Variants in NCAM2 observed in about 807,000 individuals in gnomAD.
NCAM2 encodes the protein neural cell adhesion molecule 2, also known as N-CAM-2.
Under a neutral mutation model 98.1 loss-of-function variants are expected in NCAM2, and 30 were observed. The ratio of observed to expected loss-of-function variants is 0.31; its 90% CI spans 0.23 to 0.41. NCAM2 has a LOEUF of 0.41. NCAM2 is among the 10% of genes least tolerant of loss of function. The pLI is 1.00. For missense variants in NCAM2, 867 were observed against 1,005.8 expected (o/e 0.86, Z 1.87); for synonymous variants, 368 against 342.4 (o/e 1.07, Z -0.83).
chr21:21,239,977 CTCTT>C (rs1231914818), intron 1 of NCAM2, among the ~76,000 whole-genome samples: 2 of 152,090 alleles, frequency 1.3e-5, no homozygotes, highest in Non-Finnish European at 2.9e-5. Flanking sequence ...CTCTCCCCCT[CTCTT>C]TGTCTCCCTT....
intron 2 of NCAM2, among the ~76,000 whole-genome samples, chr21:21,281,412 T>C (rs2072925302): frequency 1.3e-5 from 2 of 152,144 alleles, no homozygotes; most frequent in Non-Finnish European, 2.9e-5. Context: ...CTAATATTCA[T>C]TGAAGAAATA....
intron 5 of NCAM2, among the ~76,000 whole-genome samples, chr21:21,317,550 A>ATT (rs149829915): frequency 6.6e-6 from 1 of 151,682 alleles, no homozygotes; most frequent in Non-Finnish European, 1.5e-5. Flanking sequence ...TTAATTAATT[A>ATT]TTTTTTTTGA....
intron 5 of NCAM2, among the ~76,000 whole-genome samples, chr21:21,300,290 C>T (rs887536099): frequency 1.3e-5 from 2 of 151,992 alleles, no homozygotes; most frequent in African/African-American, 2.4e-5. Flanking sequence ...CCTTGAACCA[C>T]GAAGATCCAA....
At chr21:21,160,999 G>GT (rs1363194474) in intron 1 of NCAM2, among the ~76,000 whole-genome samples, 7 of 152,082 alleles carry the variant, frequency 4.6e-5, no homozygotes, top group Admixed American at 6.5e-5. Context: ...ACTCCATACT[G>GT]TAACAAAGAA....
chr21:21,493,806 C>T (rs1353579074), intron 15 of NCAM2, among the ~76,000 whole-genome samples: 1 of 151,848 alleles, frequency 6.6e-6, no homozygotes, highest in Non-Finnish European at 1.5e-5. Flanking sequence ...CGCAATTTTA[C>T]ATTATGTAGC....
intron 1 of NCAM2, among the ~76,000 whole-genome samples, chr21:21,021,664 T>C (rs1171852342): frequency 6.6e-6 from 1 of 152,190 alleles, no homozygotes; most frequent in Non-Finnish European, 1.5e-5. Context: ...TTTAATCTAT[T>C]CATTTATCCC....
At chr21:21,035,395 A>C (rs1418048431) in intron 1 of NCAM2, among the ~76,000 whole-genome samples, 1 of 152,192 alleles carries the variant, frequency 6.6e-6, no homozygotes, top group African/African-American at 2.4e-5. Context: ...GAGAAAGGTA[A>C]ATGTTTCAAT....
chr21:21,284,075 C>T (rs1178992457), intron 2 of NCAM2, 119 bp from the exon 3 acceptor site: 1 of 644,400 alleles, frequency 1.6e-6, no homozygotes, highest in South Asian at 2.0e-5. Flanking sequence ...CTCAGATTTC[C>T]AGTCTGTTAC....
chr21:21,137,899 T>TC (rs2067092300), intron 1 of NCAM2, among the ~76,000 whole-genome samples: 1 of 150,946 alleles, frequency 6.6e-6, no homozygotes. Context: ...TTTTGTCCTT[T>TC]CCATAATGAG....
At chr21:21,242,212 A>G (rs2147243601) in intron 1 of NCAM2, among the ~76,000 whole-genome samples, 1 of 148,682 alleles carries the variant, frequency 6.7e-6, no homozygotes, top group East Asian at 2.0e-4. Context: ...TTTCAAAAAT[A>G]TTTTAATTGA....
rs550989266 is a variant in NCAM2, at chr21:21,055,905, C to T, written c.55+57287C>T. On this transcript the variant is annotated intron_variant, in intron 1 of 17. Coordinates refer to ENST00000400546, the MANE Select transcript of NCAM2 (RefSeq NM_004540.5). Reference sequence around the variant, plus strand: ...TTCGGTAATTAGTAGCTCTTGTCACCATTATTATGACACTTACACATCCCT... The same window carrying T: ...TTCGGTAATTAGTAGCTCTTGTCACTATTATTATGACACTTACACATCCCT... 9.2e-5 allele frequency among the ~76,000 whole-genome samples: 14 copies of T among 152,158 alleles called. No individual in the cohort carries two copies. The South Asian group carries it at 2.3e-3, about 25-fold the overall frequency.
intron 14 of NCAM2, among the ~76,000 whole-genome samples, chr21:21,473,330 GTA>G (rs1262874893): frequency 6.9e-6 from 1 of 143,906 alleles, no homozygotes; most frequent in Non-Finnish European, 1.5e-5. Context: ...ATGCTTGTGT[GTA>G]TATATATGCA....
intron 1 of NCAM2, among the ~76,000 whole-genome samples, chr21:21,277,214 T>C (rs539213504): frequency 6.6e-6 from 1 of 152,240 alleles, no homozygotes; most frequent in East Asian, 1.9e-4. Context: ...CATGATAAGC[T>C]CTTCGTAAGT....
At chr21:21,522,637 T>TC (rs1569136875) in intron 16 of NCAM2, among the ~76,000 whole-genome samples, 3 of 146,770 alleles carry the variant, frequency 2.0e-5, no homozygotes, top group Admixed American at 2.0e-4. Flanking sequence ...TTTTTCTTTT[T>TC]TTTTTTTTTT....
In NCAM2 at chr21:21,092,443, AT is replaced by A. The variant is rs1039620311; in HGVS notation, c.55+93826del. 9.3e-4 allele frequency among the ~76,000 whole-genome samples: 142 copies of A among 152,158 alleles called. 2 individuals carry two copies. Among genetic ancestry groups the A allele is most frequent in the African/African-American group, 3.2e-3 (131 of 41,552 alleles). ...TTTAGAAGAATTTACTGAATGAATA[AT>A]ATTATTAATTTTATCTGTCAGTTAT... On this transcript the variant is annotated intron_variant, in intron 1 of 17. Transcript: ENST00000400546.
chr21:21,133,009 A>G (rs1298695874), intron 1 of NCAM2, among the ~76,000 whole-genome samples: 1 of 152,194 alleles, frequency 6.6e-6, no homozygotes, highest in Non-Finnish European at 1.5e-5. Context: ...TATAATATAA[A>G]TCAATTCATT....
chr21:21,056,490 C>CTGTGTGTGTG (rs10685980), intron 1 of NCAM2, among the ~76,000 whole-genome samples: 1,423 of 138,408 alleles, frequency 0.01, 27 homozygotes, highest in African/African-American at 0.011. Flanking sequence ...AGAGATATGT[C>CTGTGTGTGTG]TGTGTGTGTG....
At chr21:21,116,419 C>T (rs2066560719) in intron 1 of NCAM2, among the ~76,000 whole-genome samples, 1 of 152,140 alleles carries the variant, frequency 6.6e-6, no homozygotes. Flanking sequence ...ATATGAATAA[C>T]TCTGATATAC....
At chr21:21,356,813 A>T (rs1470632555) in intron 8 of NCAM2, among the ~76,000 whole-genome samples, 1 of 152,002 alleles carries the variant, frequency 6.6e-6, no homozygotes, top group Non-Finnish European at 1.5e-5. Context: ...CAACATGGAG[A>T]AATCCCATCT....
Sources: allele counts gnomAD v4.1 joint callset (sites outside exome capture counted in the v4.1 genomes callset), GRCh38; gene constraint gnomAD v4.1.1; transcripts MANE v1.5; gene names NCBI Gene and HGNC (gene_info 2026-07-23, HGNC 2026-07-21).